Variants in STN1 observed in about 807,000 individuals in gnomAD.
STN1 encodes the protein CST complex subunit STN1.
A neutral mutation model predicts 45.5 loss-of-function variants in STN1; 29 were observed. That is an observed-to-expected ratio of 0.64 (90% confidence interval 0.47 to 0.87). The LOEUF is 0.87. Among genes scored for constraint, STN1 ranks in the 40% least tolerant of loss-of-function variants. The pLI, the probability that STN1 is intolerant of heterozygous loss-of-function variation, is 0.00. For missense variants in STN1, 376 were observed against 441.4 expected, an observed-to-expected ratio of 0.85 and a Z score of 1.33; for synonymous variants, 148 against 159.0, an observed-to-expected ratio of 0.93 and a Z score of 0.52.
At chr10:103,912,647 C>T (rs778922895) in intron 2 of STN1, among the ~76,000 whole-genome samples, 5 of 152,258 alleles carry the variant, frequency 3.3e-5, no homozygotes, top group Non-Finnish European at 7.3e-5. Flanking sequence ...AGGGCTGAGG[C>T]ATGGTGCTGC....
At chr10:103,890,566 C>T (rs1659247995) in intron 8 of STN1, among the ~76,000 whole-genome samples, 2 of 152,176 alleles carry the variant, frequency 1.3e-5, no homozygotes, top group South Asian at 4.1e-4. Flanking sequence ...AAAGGTGTGT[C>T]CCAGAGCAGG....
intron 4 of STN1, among the ~76,000 whole-genome samples, chr10:103,901,558 A>G (rs1024221544): frequency 2.0e-5 from 3 of 152,092 alleles, no homozygotes; most frequent in African/African-American, 7.2e-5. Context: ...TCCTTTCTAC[A>G]CTTACGCTTC....
chr10:103,915,927 G>GCGCT (rs1467717882), intron 2 of STN1, among the ~76,000 whole-genome samples: 1 of 151,982 alleles, frequency 6.6e-6, no homozygotes, highest in Non-Finnish European at 1.5e-5. Flanking sequence ...AATAAGGTTT[G>GCGCT]CGCTCCTAAA....
intron 4 of STN1, among the ~76,000 whole-genome samples, chr10:103,902,583 C>T (rs982709201): frequency 2.0e-5 from 3 of 152,130 alleles, no homozygotes; most frequent in Admixed American, 2.0e-4. Flanking sequence ...CTTTAACATT[C>T]GAATACTCAG....
At chr10:103,908,679 C>T (rs1488833935) in intron 3 of STN1, among the ~76,000 whole-genome samples, 1 of 152,182 alleles carries the variant, frequency 6.6e-6, no homozygotes, top group Non-Finnish European at 1.5e-5. Context: ...GTTTCATGCT[C>T]CTCAGACACT....
chr10:103,882,858 G>C lies in STN1; in HGVS notation c.950-17C>G, dbSNP rs779378397. 2 of 1,604,110 alleles carry C rather than the reference G, an allele frequency of 1.2e-6. No individual in the cohort carries two copies. Among genetic ancestry groups the C allele is most frequent in the Admixed American group, 3.4e-5 (2 of 59,448 alleles). On this transcript the variant is annotated splice_polypyrimidine_tract_variant and intron_variant, in intron 9 of 9. Transcript: ENST00000224950. ...TCTCCATGTCTGCAGGAAAAAGGTAGGTGGCTGAGTGTGGACACAACTGTC... is the reference window on the plus strand; with the variant it reads ...TCTCCATGTCTGCAGGAAAAAGGTACGTGGCTGAGTGTGGACACAACTGTC...
chr10:103,891,347 C>A (rs1159787524), intron 8 of STN1, among the ~76,000 whole-genome samples: 2 of 152,122 alleles, frequency 1.3e-5, no homozygotes, highest in African/African-American at 4.8e-5. Flanking sequence ...TGGAAAGGTG[C>A]CTGTCATGTG....
chr10:103,900,728 A>ACTCT lies in STN1; in HGVS notation c.296-506_296-505insAGAG, dbSNP rs767287429. On this transcript the variant is annotated intron_variant, in intron 4 of 9. Transcript: ENST00000224950. ...CTCTCTCTCTCACACACACACACAC[A>ACTCT]CACTCTCTCTCTCTCTCACACTTTC... Among the ~76,000 whole-genome samples the ACTCT allele has an allele frequency of 0.029, 1,335 of 45,962 alleles. 27 individuals are homozygous for ACTCT. In the East Asian group the frequency reaches 0.3, roughly 10 times the overall value. 30.2% of individuals were successfully genotyped at this position (45,962 alleles called of 152,430 possible).
chr10:103,889,695 CTTTTTTTTTTTT>C (rs58738841), intron 8 of STN1, among the ~76,000 whole-genome samples: 10 of 122,100 alleles, frequency 8.2e-5, no homozygotes, highest in African/African-American at 1.7e-4. Flanking sequence ...TTTCTTTTTC[CTTTTTTTTTTTT>C]TTTTTTTTTT....
At chr10:103,892,344 G>T in intron 7 of STN1, 92 bp from the exon 8 acceptor site, 1 of 1,208,600 alleles carries the variant, frequency 8.3e-7, no homozygotes, top group Non-Finnish European at 1.1e-6. Flanking sequence ...TCATGAATTT[G>T]TCCAACAGGC....
Position 103,898,990 on chromosome 10 carries a change from G to A in STN1, c.468C>T (p.Asp156=), listed in dbSNP as rs577905006. 1.1e-5 allele frequency: 18 copies of A among 1,613,934 alleles called. No homozygotes were observed. The African/African-American group carries it at 1.3e-4, about 12-fold the overall frequency. ...EIHATTYYKV[D]DPVWNIQIAR... ...CAATTTGAATGTTCCACACTGGGTCGTCCACTTTATCTAACAAGTGACCAG... is the reference window on the plus strand; with the variant it reads ...CAATTTGAATGTTCCACACTGGGTCATCCACTTTATCTAACAAGTGACCAG... Residue 156 remains aspartate (D), a synonymous_variant, in exon 6 of 10, where the codon GAC becomes GAT. Coordinates refer to ENST00000224950, the MANE Select transcript of STN1 (RefSeq NM_024928.5).
rs1564636131 is a variant in STN1, at chr10:103,914,360, A to AT, written c.133+3101dup. ...CATATATATATATATATATATATAT[A>AT]TATATATATATATATTTTTTTTTTT... is the stretch of plus-strand genomic sequence containing the variant. On this transcript the variant is annotated intron_variant, in intron 2 of 9. Coordinates refer to ENST00000224950, the MANE Select transcript of STN1 (RefSeq NM_024928.5). 2.8e-3 allele frequency among the ~76,000 whole-genome samples: 29 copies of AT among 10,458 alleles called. 1 individual carries two copies. The highest frequency in any genetic ancestry group is 0.013 in the South Asian group (2 of 154). The allele number at this position is 10,458 out of a possible 152,430, so 6.9% of individuals were successfully genotyped here.
chr10:103,880,722 C>A lies in STN1; in HGVS notation c.*1962G>T, dbSNP rs374961248. 6.6e-6 allele frequency among the ~76,000 whole-genome samples: 1 copy of A among 152,142 alleles called. No individual in the cohort carries two copies. Among genetic ancestry groups the A allele is most frequent in the South Asian group, 2.1e-4 (1 of 4,822 alleles). On this transcript the variant is annotated 3_prime_UTR_variant, in exon 10 of 10. Transcript: ENST00000224950. Reference sequence around the variant, plus strand: ...ATAATCCATGTGGCTGCTGGAGACACCCCAGTGAGCAAGCCAGATAGAAAA... The same window carrying A: ...ATAATCCATGTGGCTGCTGGAGACAACCCAGTGAGCAAGCCAGATAGAAAA...
rs1843071667 is a variant in STN1 at position 103,881,920 on chromosome 10, T to C, written c.*764A>G. ...CAGCGGCAACCCTGAAAATAACATC[T>C]ACCACCTGCCAGGCAATTGGCTGAC... On this transcript the variant is annotated 3_prime_UTR_variant, in exon 10 of 10. Transcript: ENST00000224950. Among the ~76,000 whole-genome samples the C allele has an allele frequency of 6.6e-6, 1 of 152,230 alleles. No homozygotes were observed. Among genetic ancestry groups the C allele is most frequent in the Non-Finnish European group, 1.5e-5 (1 of 68,042 alleles).
chr10:103,913,085 T>C (rs1395281453), intron 2 of STN1, among the ~76,000 whole-genome samples: 2 of 152,244 alleles, frequency 1.3e-5, no homozygotes, highest in African/African-American at 4.8e-5. Flanking sequence ...TATACCACTG[T>C]CGTGGTTTTA....
At chr10:103,895,067 C>A (rs191752215) in intron 7 of STN1, among the ~76,000 whole-genome samples, 45 of 152,334 alleles carry the variant, frequency 3.0e-4, no homozygotes, top group African/African-American at 1.1e-3. Context: ...CACCTTTAGT[C>A]TCCCAGGAAT....
intron 2 of STN1, among the ~76,000 whole-genome samples, chr10:103,911,857 T>G (rs1936543822): frequency 6.6e-6 from 1 of 152,150 alleles, no homozygotes; most frequent in African/African-American, 2.4e-5. Flanking sequence ...ATGGCTCTGT[T>G]TCCCTTGTAG....
intron 2 of STN1, among the ~76,000 whole-genome samples, chr10:103,914,790 G>A (rs1031727885): frequency 1.3e-5 from 2 of 152,028 alleles, no homozygotes; most frequent in African/African-American, 2.4e-5. Flanking sequence ...AGGAGCTGAC[G>A]TTTTGCAATC....
intron 4 of STN1, among the ~76,000 whole-genome samples, chr10:103,901,435 C>A (rs911174254): frequency 1.3e-5 from 2 of 152,128 alleles, no homozygotes; most frequent in Non-Finnish European, 2.9e-5. Context: ...GCTCAGCCAT[C>A]GGCATTTTGG....
Sources: gnomAD v4.1 joint callset for allele counts (sites outside exome capture counted in the v4.1 genomes callset) on GRCh38, gnomAD v4.1.1 for gene constraint, MANE v1.5 for transcripts, NCBI Gene and HGNC (gene_info 2026-07-23, HGNC 2026-07-21) for gene names.